GABRB2: variants seen among roughly 807,000 people sequenced by gnomAD.
The protein encoded by GABRB2 is gamma-aminobutyric acid receptor subunit beta-2.
In GABRB2, 16 loss-of-function variants were observed where a neutral mutation model predicts 54.7. The observed-to-expected ratio is 0.29, with a 90% CI of 0.20 to 0.44. The LOEUF is 0.44. GABRB2 is among the 20% of genes least tolerant of loss of function. The pLI is 1.00. For synonymous variants in GABRB2, 244 were observed against 233.8 expected (o/e 1.04, Z -0.40); for missense variants, 355 against 644.0 (o/e 0.55, Z 4.86).
chr5:161,449,821 C>T (rs544834864), intron 4 of GABRB2, among the ~76,000 whole-genome samples: 3 of 152,004 alleles, frequency 2.0e-5, no homozygotes, highest in South Asian at 4.2e-4. Context: ...TTTTAAACAT[C>T]TACTGGGAAA....
intron 5 of GABRB2, among the ~76,000 whole-genome samples, chr5:161,393,867 A>G (rs561800829): frequency 6.6e-6 from 1 of 152,234 alleles, no homozygotes; most frequent in South Asian, 2.1e-4. Context: ...ATAAACATAG[A>G]AAGTATGAAC....
chr5:161,404,107 A>C (rs2113091204), intron 5 of GABRB2, among the ~76,000 whole-genome samples: 1 of 152,300 alleles, frequency 6.6e-6, no homozygotes, highest in South Asian at 2.1e-4. Context: ...CGTCAAGGTC[A>C]GAAATATCCA....
At chr5:161,407,589 A>AT (rs1756384548) in intron 5 of GABRB2, among the ~76,000 whole-genome samples, 1 of 152,042 alleles carries the variant, frequency 6.6e-6, no homozygotes, top group Non-Finnish European at 1.5e-5. Context: ...AGGCTTGGGC[A>AT]TAACTTTGTT....
At chr5:161,454,269 G>T (rs992003568) in intron 4 of GABRB2, among the ~76,000 whole-genome samples, 6 of 152,114 alleles carry the variant, frequency 3.9e-5, no homozygotes, top group African/African-American at 1.2e-4. Context: ...TGACCACCTG[G>T]GTCCCATGCC....
intron 4 of GABRB2, among the ~76,000 whole-genome samples, chr5:161,448,896 C>A (rs1757711749): frequency 6.6e-6 from 1 of 152,046 alleles, no homozygotes; most frequent in South Asian, 2.1e-4. Context: ...AGCAATGGGC[C>A]AGCCAGAAAC....
intron 5 of GABRB2, among the ~76,000 whole-genome samples, chr5:161,368,147 A>ACACACACACG (rs1235780124): frequency 6.6e-6 from 1 of 151,618 alleles, no homozygotes; most frequent in Admixed American, 6.6e-5. Flanking sequence ...ACACACACAC[A>ACACACACACG]CACTCTTCCA....
chr5:161,447,414 C>T (rs1416330170), intron 4 of GABRB2, among the ~76,000 whole-genome samples: 1 of 152,256 alleles, frequency 6.6e-6, no homozygotes, highest in Non-Finnish European at 1.5e-5. Context: ...CAGCCTGTTA[C>T]AGCTGCTAAA....
intron 5 of GABRB2, among the ~76,000 whole-genome samples, chr5:161,393,746 A>G (rs2113049434): frequency 6.6e-6 from 1 of 152,248 alleles, no homozygotes; most frequent in Admixed American, 6.5e-5. Context: ...TAATGGCCTC[A>G]AGATAAATAA....
At chr5:161,453,647 T>C (rs917883665) in intron 4 of GABRB2, among the ~76,000 whole-genome samples, 1 of 152,238 alleles carries the variant, frequency 6.6e-6, no homozygotes, top group Non-Finnish European at 1.5e-5. Flanking sequence ...TATTTTATTA[T>C]AGTGCCCAAA....
intron 3 of GABRB2, among the ~76,000 whole-genome samples, chr5:161,462,714 A>T (rs1758149840): frequency 6.6e-6 from 1 of 152,172 alleles, no homozygotes; most frequent in South Asian, 2.1e-4. Flanking sequence ...CCTGCTAAAA[A>T]ATGCTCCCAG....
chr5:161,469,084 C>CA (rs1286965531), intron 3 of GABRB2, among the ~76,000 whole-genome samples: 1 of 151,558 alleles, frequency 6.6e-6, no homozygotes. Context: ...AAAATGTGTC[C>CA]AAAAATATTT....
chr5:161,319,481 G>A (rs253000), intron 9 of GABRB2, among the ~76,000 whole-genome samples: 49,011 of 148,778 alleles, frequency 0.33, 9,367 homozygotes, highest in African/African-American at 0.52. Flanking sequence ...TATGGAAAAT[G>A]TTACCCTTAT....
At chr5:161,329,209 T>C (rs1218063699) in intron 8 of GABRB2, among the ~76,000 whole-genome samples, 4 of 152,220 alleles carry the variant, frequency 2.6e-5, no homozygotes, top group Non-Finnish European at 5.9e-5. Context: ...TGATTTAGAC[T>C]CATTTTGAAG....
chr5:161,344,160 G>A (rs574737600), intron 5 of GABRB2, among the ~76,000 whole-genome samples: 43 of 151,988 alleles, frequency 2.8e-4, no homozygotes, highest in Non-Finnish European at 5.4e-4. Context: ...TCTGAACAAA[G>A]GTTTTCATAA....
intron 3 of GABRB2, among the ~76,000 whole-genome samples, chr5:161,532,388 C>T (rs2113457274): frequency 6.6e-6 from 1 of 152,148 alleles, no homozygotes; most frequent in South Asian, 2.1e-4. Flanking sequence ...ATAATGTTAG[C>T]TTCAAATTTC....
chr5:161,484,439 C>T (rs2113335917), intron 3 of GABRB2, among the ~76,000 whole-genome samples: 1 of 152,028 alleles, frequency 6.6e-6, no homozygotes, highest in Non-Finnish European at 1.5e-5. Flanking sequence ...AATGACCCAC[C>T]TTTCAAGTAC....
At position 161,459,641 on chromosome 5, in the gene GABRB2, G is replaced by A. The variant is rs370578958; in HGVS notation, c.441C>T (p.Thr147=). The A allele has an allele frequency of 2.9e-5, 46 of 1,613,830 alleles. No individual in the cohort carries two copies. The highest frequency in any genetic ancestry group is 3.3e-4 in the Middle Eastern group (2 of 6,084). The change falls in exon 4 of 10, where the codon ACC becomes ACT. Residue 147 remains threonine (T), a synonymous_variant. Transcript: ENST00000393959. The part of the protein sequence containing the change: ...NRMIRLHPDG[T]VLYGLRITTT... The stretch of plus-strand genomic sequence containing the variant: ...CAACAGACCTGAGTCCATAAAGGAC[G>A]GTGCCATCAGGATGCAGGCGAATCA...
At chr5:161,405,579 TGCAAAGA>T (rs1756327482) in intron 5 of GABRB2, among the ~76,000 whole-genome samples, 1 of 152,042 alleles carries the variant, frequency 6.6e-6, no homozygotes, top group Non-Finnish European at 1.5e-5. Flanking sequence ...ACACCACTTT[TGCAAAGA>T]GCCCCACCTG....
chr5:161,459,236 T>C (rs1758051355), intron 4 of GABRB2: 1 of 217,882 alleles, frequency 4.6e-6, no homozygotes, highest in Admixed American at 5.2e-5. Flanking sequence ...AGGGCCATGA[T>C]CCCGTTGAGG....
Sources: allele counts gnomAD v4.1 joint callset (sites outside exome capture counted in the v4.1 genomes callset), GRCh38; gene constraint gnomAD v4.1.1; transcripts MANE v1.5; gene names NCBI Gene and HGNC (gene_info 2026-07-23, HGNC 2026-07-21).